The following PTH2R variants were observed in gnomAD, a reference collection of about 807,000 sequenced individuals.
PTH2R encodes the protein PTH2 receptor.
In PTH2R, 59 loss-of-function variants were observed where a neutral mutation model predicts 60.3. The ratio of observed to expected loss-of-function variants is 0.98; its 90% CI spans 0.79 to 1.22. PTH2R has a LOEUF of 1.22. Ranked by LOEUF, PTH2R falls within the 50% of genes most tolerant of loss-of-function variation. The probability of loss-of-function intolerance (pLI) is 0.00; values close to 1 mark genes in which losing one functional copy is unlikely to be tolerated. For synonymous variants in PTH2R, 256 were observed against 243.8 expected, an observed-to-expected ratio of 1.05 and a Z score of -0.47; for missense variants, 749 against 682.6, an observed-to-expected ratio of 1.10 and a Z score of -1.08.
intron 8 of PTH2R, among the ~76,000 whole-genome samples, chr2:208,454,165 C>CT (rs570546028): frequency 1.1e-3 from 155 of 147,536 alleles, no homozygotes; most frequent in Middle Eastern, 3.4e-3. Flanking sequence ...TGAAAAAATT[C>CT]TTTTTTTTTT....
rs1353979213 is a variant in PTH2R at position 208,423,903 on chromosome 2, G to C, written c.76-4298G>C. On this transcript the variant is annotated intron_variant, in intron 1 of 12. Transcript: ENST00000272847. Reference sequence around the variant, plus strand: ...ACTTGGTCTGGTACTAATATAACTGGGGAAGTGGGATTATCACCTTATTAC... The same window carrying C: ...ACTTGGTCTGGTACTAATATAACTGCGGAAGTGGGATTATCACCTTATTAC... Among the ~76,000 whole-genome samples the C allele has an allele frequency of 4.6e-5, 7 of 152,250 alleles. No individual in the cohort carries two copies. The East Asian group carries it at 1.4e-3, about 29-fold the overall frequency.
At chr2:208,390,321 G>C (rs1175700009) in intron 1 of PTH2R, among the ~76,000 whole-genome samples, 1 of 152,178 alleles carries the variant, frequency 6.6e-6, no homozygotes, top group Non-Finnish European at 1.5e-5. Context: ...CCTGAGAGGA[G>C]TTAGTCACCC....
At chr2:208,442,944 T>C (rs1200271814) in intron 5 of PTH2R, among the ~76,000 whole-genome samples, 3 of 152,190 alleles carry the variant, frequency 2.0e-5, no homozygotes, top group Admixed American at 2.0e-4. Flanking sequence ...CTTCATATAC[T>C]GGGATTTCAC....
intron 1 of PTH2R, among the ~76,000 whole-genome samples, chr2:208,411,375 C>G (rs143825316): frequency 3.9e-5 from 6 of 152,290 alleles, no homozygotes; most frequent in African/African-American, 1.2e-4. Context: ...CTCTTGACAA[C>G]GAGGACTATT....
chr2:208,407,158 C>T, intron 1 of PTH2R, 40 bp downstream of exon 1: 1 of 1,394,880 alleles, frequency 7.2e-7, no homozygotes, highest in Non-Finnish European at 9.4e-7. Context: ...TTCGCGGAGC[C>T]TCCGGCGGGG....
At chr2:208,395,753 T>C (rs987583836) in intron 1 of PTH2R, among the ~76,000 whole-genome samples, 2 of 152,070 alleles carry the variant, frequency 1.3e-5, no homozygotes, top group Admixed American at 6.5e-5. Flanking sequence ...ATTTATAGAT[T>C]CAATGCCATC....
At chr2:208,398,714 ATTAAT>A (rs1316415995) in intron 1 of PTH2R, among the ~76,000 whole-genome samples, 3 of 152,218 alleles carry the variant, frequency 2.0e-5, no homozygotes, top group African/African-American at 7.2e-5. Flanking sequence ...TGTATTACTA[ATTAAT>A]TTATTTACTA....
chr2:208,489,382 A>C (rs1004815803), intron 11 of PTH2R, among the ~76,000 whole-genome samples: 3 of 152,172 alleles, frequency 2.0e-5, no homozygotes, highest in Non-Finnish European at 4.4e-5. Context: ...GTCACACAAA[A>C]AAAGCCTGGA....
At chr2:208,378,311 G>C (rs1047050576) in intron 1 of PTH2R, among the ~76,000 whole-genome samples, 2 of 150,946 alleles carry the variant, frequency 1.3e-5, no homozygotes, top group Non-Finnish European at 3.0e-5. Context: ...GCAGTGAGCC[G>C]CGATGGCAGC....
At chr2:208,457,710 G>A (rs1394852751) in intron 8 of PTH2R, among the ~76,000 whole-genome samples, 1 of 152,146 alleles carries the variant, frequency 6.6e-6, no homozygotes, top group East Asian at 1.9e-4. Flanking sequence ...GAGGCAGACA[G>A]GAACATGGGG....
chr2:208,435,547 C>A (rs1309753046), intron 2 of PTH2R, among the ~76,000 whole-genome samples: 1 of 152,174 alleles, frequency 6.6e-6, no homozygotes, highest in Non-Finnish European at 1.5e-5. Context: ...AAGGACTCAA[C>A]CTGCCTTGCT....
intron 1 of PTH2R, among the ~76,000 whole-genome samples, chr2:208,426,295 A>G (rs1701857240): frequency 6.6e-6 from 1 of 152,184 alleles, no homozygotes; most frequent in Non-Finnish European, 1.5e-5. Flanking sequence ...AAAATTACTA[A>G]CATCTATTTT....
chr2:208,398,989 A>G (rs945289529), intron 1 of PTH2R, among the ~76,000 whole-genome samples: 1 of 152,228 alleles, frequency 6.6e-6, no homozygotes, highest in Non-Finnish European at 1.5e-5. Flanking sequence ...TTTAGATTTA[A>G]TAGACAAGCT....
At chr2:208,415,847 G>A (rs755946131) in intron 1 of PTH2R, among the ~76,000 whole-genome samples, 15 of 152,170 alleles carry the variant, frequency 9.9e-5, no homozygotes, top group Non-Finnish European at 1.6e-4. Flanking sequence ...TTAGCTAAGC[G>A]AGGAAAGCCA....
Position 208,437,757 on chromosome 2 carries a change from C to T in PTH2R, c.290-3C>T. ...GATCTCAGCATCTTTCATGTCTTTA[C>T]AGGAGTTGCTTTCCGACACTGTAAC... On this transcript the variant is annotated splice_polypyrimidine_tract_variant and splice_region_variant and intron_variant, in intron 3 of 12. Transcript: ENST00000272847. 5.6e-6 allele frequency: 9 copies of T among 1,612,010 alleles called. No individual in the cohort carries two copies. The highest frequency in any genetic ancestry group is 7.6e-6 in the Non-Finnish European group (9 of 1,178,216).
chr2:208,476,919 C>T (rs901736147), intron 9 of PTH2R, among the ~76,000 whole-genome samples: 11 of 152,080 alleles, frequency 7.2e-5, no homozygotes, highest in South Asian at 2.1e-4. Context: ...TCCCTGGAGA[C>T]GCTGCAGAGA....
At chr2:208,492,637 T>A (rs964447012) in intron 12 of PTH2R, among the ~76,000 whole-genome samples, 6 of 152,164 alleles carry the variant, frequency 3.9e-5, no homozygotes, top group Admixed American at 3.9e-4. Context: ...TTGAGAGAGA[T>A]GCTTCTGAGT....
chr2:208,382,727 T>C (rs1326078374), intron 1 of PTH2R, among the ~76,000 whole-genome samples: 1 of 152,228 alleles, frequency 6.6e-6, no homozygotes, highest in Non-Finnish European at 1.5e-5. Context: ...AGCTAAGCTA[T>C]TCCAGGGAAG....
intron 5 of PTH2R, among the ~76,000 whole-genome samples, chr2:208,442,910 A>G (rs1292700234): frequency 2.0e-5 from 3 of 152,212 alleles, no homozygotes; most frequent in Non-Finnish European, 2.9e-5. Flanking sequence ...TCATTACAAA[A>G]TTTTGAGCAC....
Sources: allele counts gnomAD v4.1 joint callset (sites outside exome capture counted in the v4.1 genomes callset), GRCh38; gene constraint gnomAD v4.1.1; transcripts MANE v1.5; gene names NCBI Gene and HGNC (gene_info 2026-07-23, HGNC 2026-07-21).